Variants in TAFA2 observed in about 807,000 individuals in gnomAD.
TAFA2 encodes TAFA chemokine like family member 2, also known as chemokine-like protein TAFA-2.
TAFA2 carries 7 observed loss-of-function variants against 18.8 expected under a neutral mutation model. The observed-to-expected ratio is 0.37, with a 90% CI of 0.21 to 0.70. The LOEUF (loss-of-function observed/expected upper bound fraction) is 0.70. TAFA2 is among the 30% of genes least tolerant of loss of function. The probability of loss-of-function intolerance (pLI) is 0.53; values close to 1 mark genes in which losing one functional copy is unlikely to be tolerated. For synonymous variants in TAFA2, 60 were observed against 54.2 expected, an observed-to-expected ratio of 1.11 and a Z score of -0.47; for missense variants, 122 against 158.1, an observed-to-expected ratio of 0.77 and a Z score of 1.23.
intron 1 of TAFA2, among the ~76,000 whole-genome samples, chr12:62,087,586 G>A (rs183078567): frequency 6.6e-6 from 1 of 152,146 alleles, no homozygotes; most frequent in South Asian, 2.1e-4. Context: ...CAGAAAAAAG[G>A]CACACTAGAG....
chr12:61,996,179 T>C (rs1409763451), intron 1 of TAFA2, among the ~76,000 whole-genome samples: 1 of 152,138 alleles, frequency 6.6e-6, no homozygotes, highest in Non-Finnish European at 1.5e-5. Flanking sequence ...ACTTGCTATA[T>C]ACAGTGCAAA....
intron 1 of TAFA2, among the ~76,000 whole-genome samples, chr12:61,897,369 C>T (rs1476655833): frequency 6.6e-6 from 1 of 152,092 alleles, no homozygotes; most frequent in Non-Finnish European, 1.5e-5. Context: ...GTTCCGCAAC[C>T]ATGATATAGT....
intron 1 of TAFA2, among the ~76,000 whole-genome samples, chr12:61,930,617 G>T (rs559371517): frequency 3.3e-5 from 5 of 152,140 alleles, no homozygotes; most frequent in Admixed American, 6.6e-5. Flanking sequence ...TAATCATCAC[G>T]CTCTATACTG....
At chr12:62,129,805 A>C (rs1870610244) in intron 1 of TAFA2, among the ~76,000 whole-genome samples, 1 of 151,982 alleles carries the variant, frequency 6.6e-6, no homozygotes, top group African/African-American at 2.4e-5. Context: ...CAGGACAGTC[A>C]AAAATGTCTC....
chr12:61,948,698 G>A (rs768915029), intron 1 of TAFA2, among the ~76,000 whole-genome samples: 3 of 152,110 alleles, frequency 2.0e-5, no homozygotes, highest in Admixed American at 2.0e-4. Flanking sequence ...TGGGAGCTTC[G>A]GGGTATTGTA....
intron 1 of TAFA2, among the ~76,000 whole-genome samples, chr12:62,061,592 A>G (rs1480352792): frequency 6.6e-6 from 1 of 152,250 alleles, no homozygotes; most frequent in African/African-American, 2.4e-5. Flanking sequence ...GATGAGAAAA[A>G]GAAAAATATG....
At chr12:62,126,534 G>C (rs1156592137) in intron 1 of TAFA2, among the ~76,000 whole-genome samples, 1 of 152,052 alleles carries the variant, frequency 6.6e-6, no homozygotes, top group Non-Finnish European at 1.5e-5. Flanking sequence ...GAGCAGGTTT[G>C]CTGGCATCCT....
At chr12:61,728,185 G>C (rs1015924567) in intron 4 of TAFA2, among the ~76,000 whole-genome samples, 2 of 152,060 alleles carry the variant, frequency 1.3e-5, no homozygotes, top group African/African-American at 4.8e-5. Context: ...CTGATGAATA[G>C]AATGTATATT....
At chr12:61,737,698 C>A (rs990382966) in intron 4 of TAFA2, among the ~76,000 whole-genome samples, 3 of 151,628 alleles carry the variant, frequency 2.0e-5, no homozygotes, top group Non-Finnish European at 4.4e-5. Context: ...TAATAAACAG[C>A]AACTTTTAAA....
chr12:62,006,353 C>T (rs1880549080), intron 1 of TAFA2, among the ~76,000 whole-genome samples: 1 of 152,076 alleles, frequency 6.6e-6, no homozygotes, highest in Non-Finnish European at 1.5e-5. Context: ...GGTCATACTT[C>T]AAACCAAAGC....
chr12:61,881,770 A>C (rs1470438871), intron 1 of TAFA2, among the ~76,000 whole-genome samples: 1 of 152,116 alleles, frequency 6.6e-6, no homozygotes, highest in Non-Finnish European at 1.5e-5. Context: ...TCATTTTTAA[A>C]TGTTATCAAT....
chr12:62,133,303 T>G (rs1870762721), intron 1 of TAFA2, among the ~76,000 whole-genome samples: 1 of 151,986 alleles, frequency 6.6e-6, no homozygotes, highest in Admixed American at 6.6e-5. Flanking sequence ...GTTGTTTCAG[T>G]AATAAATATG....
At chr12:62,133,011 G>A (rs76174026) in intron 1 of TAFA2, among the ~76,000 whole-genome samples, 1 of 152,042 alleles carries the variant, frequency 6.6e-6, no homozygotes, top group East Asian at 1.9e-4. Context: ...AGGGAATGCA[G>A]AATGTGGAAT....
At chr12:61,910,530 T>C (rs994435367) in intron 1 of TAFA2, among the ~76,000 whole-genome samples, 1 of 151,984 alleles carries the variant, frequency 6.6e-6, no homozygotes, top group Non-Finnish European at 1.5e-5. Context: ...ATAAACATAA[T>C]CAACAAGCAC....
At chr12:61,766,046 C>T (rs1041364785) in intron 2 of TAFA2, among the ~76,000 whole-genome samples, 1 of 152,030 alleles carries the variant, frequency 6.6e-6, no homozygotes, top group Admixed American at 6.6e-5. Context: ...TTCCTCTCTT[C>T]CCTACAACTT....
chr12:62,019,019 T>C (rs1323510923), intron 1 of TAFA2, among the ~76,000 whole-genome samples: 1 of 152,122 alleles, frequency 6.6e-6, no homozygotes, highest in Non-Finnish European at 1.5e-5. Context: ...GCAAAGGATA[T>C]GAACAGACAC....
At chr12:61,921,123 A>G (rs771883102) in intron 1 of TAFA2, among the ~76,000 whole-genome samples, 1 of 152,222 alleles carries the variant, frequency 6.6e-6, no homozygotes, top group Non-Finnish European at 1.5e-5. Context: ...ATTATGAGGA[A>G]TTGGCTTTGA....
intron 1 of TAFA2, among the ~76,000 whole-genome samples, chr12:61,898,451 A>T (rs567913420): frequency 3.7e-4 from 57 of 152,336 alleles, no homozygotes; most frequent in African/African-American, 1.2e-3. Context: ...ACATCCAGGC[A>T]TTTCCATACA....
At chr12:62,136,323 T>G (rs1350331032) in intron 1 of TAFA2, among the ~76,000 whole-genome samples, 1 of 152,270 alleles carries the variant, frequency 6.6e-6, no homozygotes, top group African/African-American at 2.4e-5. Flanking sequence ...ATGAGCTAAA[T>G]AGATATAAAT....
Sources: gnomAD v4.1 joint callset for allele counts (sites outside exome capture counted in the v4.1 genomes callset) on GRCh38, gnomAD v4.1.1 for gene constraint, MANE v1.5 for transcripts, NCBI Gene and HGNC (gene_info 2026-07-23, HGNC 2026-07-21) for gene names.